SLC26A9: variants seen among roughly 807,000 people sequenced by gnomAD.
The protein encoded by SLC26A9 is anion transporter/exchanger protein 9.
A neutral mutation model predicts 87.1 loss-of-function variants in SLC26A9; 46 were observed. The ratio of observed to expected loss-of-function variants is 0.53; its 90% CI spans 0.42 to 0.67. SLC26A9 has a LOEUF of 0.67. SLC26A9 is among the 30% of genes least tolerant of loss of function. The pLI is 0.00. For synonymous variants in SLC26A9, 437 were observed against 409.1 expected (o/e 1.07, Z -0.82); for missense variants, 927 against 1,018.3 (o/e 0.91, Z 1.22).
chr1:205,927,783 C>T (rs1659138676), intron 9 of SLC26A9, 119 bp downstream of exon 9: 1 of 1,511,780 alleles, frequency 6.6e-7, no homozygotes, highest in East Asian at 2.3e-5. Context: ...GACCCCCTAT[C>T]CCCCACACTC....
At position 205,914,096 on chromosome 1, in the gene SLC26A9, A is replaced by G. The variant is rs1441398673; in HGVS notation, c.*1261T>C. ...TCAATACCTCCTTGTACATATGGAA[A>G]ACTTAACCCCTATTTTCATCTTCAT... On this transcript the variant is annotated 3_prime_UTR_variant, in exon 21 of 21. Transcript: ENST00000367135. 6.6e-6 allele frequency: 1 copy of G among 152,194 alleles called. No individual in the cohort carries two copies. The highest frequency in any genetic ancestry group is 2.4e-5 in the African/African-American group (1 of 41,450). 9.4% of individuals were successfully genotyped at this position (152,194 alleles called of 1,614,324 possible). A position where few individuals can be genotyped will look rare whatever the true frequency, so the allele number is the denominator to read the frequency against.
chr1:205,929,692 TC>T (rs1659228764), intron 6 of SLC26A9, among the ~76,000 whole-genome samples, 199 bp downstream of exon 6: 1 of 152,172 alleles, frequency 6.6e-6, no homozygotes, highest in Non-Finnish European at 1.5e-5. Flanking sequence ...ACAGCTCTTT[TC>T]TGCAGGGATT....
chr1:205,933,039 A>C lies in SLC26A9; in HGVS notation c.171T>G (p.Pro57=). ...KIKAVVFGLL[P]VLSWLPKYKI... ...TGTACTTGGGGAGCCAGGAGAGCAC[A>C]GGCAGCAGCCCAAACACCACAGCTT... The change falls in exon 3 of 21, where the codon CCT becomes CCG. Residue 57 remains proline, a synonymous_variant. Coordinates refer to ENST00000367135, the MANE Select transcript of SLC26A9 (RefSeq NM_052934.4). 6.2e-7 allele frequency: 1 copy of C among 1,614,190 alleles called. No individual in the cohort carries two copies. The highest frequency in any genetic ancestry group is 8.5e-7 in the Non-Finnish European group (1 of 1,180,034).
In SLC26A9 at chr1:205,932,682, C is replaced by A. The variant is rs1468444181; in HGVS notation, c.376+20G>T. 18 of 1,532,128 alleles carry A rather than the reference C, an allele frequency of 1.2e-5. No homozygotes were observed. Among genetic ancestry groups the A allele is most frequent in the Admixed American group, 2.1e-5 (1 of 47,174 alleles). The allele number at this position is 1,532,128 out of a possible 1,614,324, so 94.9% of individuals were successfully genotyped here. A position where few individuals can be genotyped will look rare whatever the true frequency, so the allele number is the denominator to read the frequency against. ...TTGGGGTCTGGGTCATCCTGCCTGC[C>A]CAGAGGGGAGAGGCCTTACCTGGCA... On this transcript the variant is annotated intron_variant, in intron 4 of 20. Coordinates refer to ENST00000367135, the MANE Select transcript of SLC26A9 (RefSeq NM_052934.4).
intron 20 of SLC26A9, among the ~76,000 whole-genome samples, chr1:205,916,789 A>C (rs6593974): frequency 0.86 from 131,160 of 151,776 alleles, 56,721 homozygotes; most frequent in South Asian, 0.93. Flanking sequence ...CCCCACGATA[A>C]CTTTCAGGGA....
chr1:205,928,125 A>G, intron 8 of SLC26A9, 76 bp from the exon 9 acceptor site: 1 of 1,533,410 alleles, frequency 6.5e-7, no homozygotes, highest in Non-Finnish European at 8.8e-7. Context: ...ACCAGCCCAC[A>G]GGGACCAGCC....
rs115066097 is a variant in SLC26A9 at position 205,937,674 on chromosome 1, C to T, written c.-18-1836G>A. On this transcript the variant is annotated intron_variant, in intron 1 of 20. Transcript: ENST00000367135. The stretch of plus-strand genomic sequence containing the variant: ...CTAGCAGAGACTATTCAGAGGCTGC[C>T]GGCCCTTCACCGCCCGTGAGGCGGG... Among the ~76,000 whole-genome samples, 1,431 of 152,238 alleles carry T rather than the reference C, an allele frequency of 9.4e-3. 14 individuals are homozygous for T. The highest frequency in any genetic ancestry group is 0.028 in the African/African-American group (1,179 of 41,544).
rs556910067 is a variant in SLC26A9, at chr1:205,927,249, T to G, written c.1255A>C (p.Met419Leu). 9 of 1,614,170 alleles carry G rather than the reference T, an allele frequency of 5.6e-6. No homozygotes were observed. The African/African-American group carries it at 1.2e-4, about 22-fold the overall frequency. Reference protein sequence around the residue: ...LCVSLVVMITMLVLGIYLYPL... With the variant: ...LCVSLVVMITLLVLGIYLYPL... ...TACAGATAGATCCCCAGGACCAGCA[T>G]GGTGATCATCACCACCAGAGACACA... is the stretch of plus-strand genomic sequence containing the variant. Residue 419 changes from methionine to leucine, a missense_variant, in exon 11 of 21, where the codon ATG (methionine) becomes CTG (leucine). Coordinates refer to ENST00000367135, the MANE Select transcript of SLC26A9 (RefSeq NM_052934.4).
chr1:205,931,464 G>GTTTTTTTTTT (rs1558126780), intron 5 of SLC26A9, among the ~76,000 whole-genome samples: 12 of 36,716 alleles, frequency 3.3e-4, no homozygotes, highest in Admixed American at 7.5e-4. Context: ...GCCCTAACTT[G>GTTTTTTTTTT]GTTTTTTTTT....
chr1:205,933,501 C>T (rs561764118), intron 2 of SLC26A9, among the ~76,000 whole-genome samples: 1 of 152,306 alleles, frequency 6.6e-6, no homozygotes, highest in South Asian at 2.1e-4. Flanking sequence ...GTGTGCATTC[C>T]TTGCTTTTTG....
chr1:205,923,013 G>T, intron 16 of SLC26A9, 69 bp downstream of exon 16: 1 of 1,469,198 alleles, frequency 6.8e-7, no homozygotes, highest in Non-Finnish European at 9.5e-7. Context: ...AGGGTACCAT[G>T]AGTAACAGGG....
intron 16 of SLC26A9, 138 bp downstream of exon 16, chr1:205,922,944 C>T: frequency 2.7e-6 from 2 of 733,882 alleles, no homozygotes; most frequent in Non-Finnish European, 4.7e-6. Flanking sequence ...CAGCGGCCAC[C>T]AGGCAGTGTT....
Position 205,927,483 on chromosome 1 carries a change from A to C in SLC26A9, c.1215+9T>G, listed in dbSNP as rs143788422. On this transcript the variant is annotated intron_variant, in intron 10 of 20. Coordinates refer to ENST00000367135, the MANE Select transcript of SLC26A9 (RefSeq NM_052934.4). ...CACCTCCCCCCAACTCCCCTAGAAC[A>C]AGGCTCACCTGGGATTTTCCTCCAG... 8 of 1,613,196 alleles carry C rather than the reference A, an allele frequency of 5.0e-6. No homozygotes were observed. Among genetic ancestry groups the C allele is most frequent in the Non-Finnish European group, 6.8e-6 (8 of 1,179,470 alleles).
Position 205,914,849 on chromosome 1 carries a change from G to A in SLC26A9, c.*508C>T. On this transcript the variant is annotated 3_prime_UTR_variant, in exon 21 of 21. Transcript: ENST00000367135. ...GCAGAGCTGCCAGAGACAGAGTTGA[G>A]GCAGCTGGGGAAGGCAAGCCAGAGT... 1 of 1,571,760 alleles carries A rather than the reference G, an allele frequency of 6.4e-7. No homozygotes were observed. The highest frequency in any genetic ancestry group is 8.6e-7 in the Non-Finnish European group (1 of 1,156,490).
intron 16 of SLC26A9, 22 bp from the exon 17 acceptor site, chr1:205,921,869 G>A (rs1248865390): frequency 6.3e-7 from 1 of 1,594,782 alleles, no homozygotes. Context: ...GGGACAGTGG[G>A]CAGAGTCAGG....
rs1457999207 is a variant in SLC26A9, at chr1:205,914,114, A to C, written c.*1243T>G. 1 of 152,250 alleles carries C rather than the reference A, an allele frequency of 6.6e-6. No individual in the cohort carries two copies. Among genetic ancestry groups the C allele is most frequent in the Non-Finnish European group, 1.5e-5 (1 of 68,030 alleles). 9.4% of individuals were successfully genotyped at this position (152,250 alleles called of 1,614,324 possible). ...TATGGAAAACTTAACCCCTATTTTC[A>C]TCTTCATAGGAGAAGATGGCCTGAG... On this transcript the variant is annotated 3_prime_UTR_variant, in exon 21 of 21. Transcript: ENST00000367135.
intron 20 of SLC26A9, among the ~76,000 whole-genome samples, chr1:205,916,561 G>A (rs947665092): frequency 4.3e-4 from 65 of 152,152 alleles, no homozygotes; most frequent in African/African-American, 1.1e-3. Context: ...CAGTAGGTAC[G>A]CCATAAATAC....
rs1248471097 is a variant in SLC26A9, at chr1:205,935,839, C to T, written c.-18-1G>A. On this transcript the variant is annotated splice_acceptor_variant, in intron 1 of 20. Coordinates refer to ENST00000367135, the MANE Select transcript of SLC26A9 (RefSeq NM_052934.4). LOFTEE classifies it low-confidence loss of function (5UTR_SPLICE). The stretch of plus-strand genomic sequence containing the variant: ...GGCTCATATCTGGGGCATTTACAAG[C>T]TTTGGGAGAAGCAGAGGAGGGGAGG... 2.5e-6 allele frequency: 4 copies of T among 1,610,062 alleles called. No homozygotes were observed. Among genetic ancestry groups the T allele is most frequent in the South Asian group, 1.1e-5 (1 of 90,592 alleles).
Position 205,929,278 on chromosome 1 carries a change from G to A in SLC26A9, c.796C>T (p.Leu266=). The A allele has an allele frequency of 6.2e-6, 10 of 1,614,230 alleles. No individual in the cohort carries two copies. The highest frequency in any genetic ancestry group is 1.1e-5 in the South Asian group (1 of 91,082). Residue 266 remains leucine (L), a synonymous_variant, in exon 7 of 21, where the codon CTG becomes TTG. Transcript: ENST00000367135. ...LIFALISGAF[L]VLVKELNARY... The stretch of plus-strand genomic sequence containing the variant: ...GCATTGAGCTCCTTCACCAGCACCA[G>A]GAAGGCACCGCTGATGAGAGCGAAG...
Sources: gnomAD v4.1 joint callset for allele counts (sites outside exome capture counted in the v4.1 genomes callset) on GRCh38, gnomAD v4.1.1 for gene constraint, MANE v1.5 for transcripts, NCBI Gene and HGNC (gene_info 2026-07-23, HGNC 2026-07-21) for gene names.